The following IMMP2L variants were observed in gnomAD, a reference collection of about 807,000 sequenced individuals.
The protein encoded by IMMP2L is inner mitochondrial membrane peptidase subunit 2.
A neutral mutation model predicts 19.3 loss-of-function variants in IMMP2L; 18 were observed. The ratio of observed to expected loss-of-function variants is 0.93; its 90% CI spans 0.64 to 1.38. The LOEUF (loss-of-function observed/expected upper bound fraction) is 1.38, where lower values mean the gene tolerates loss of function less well. Ranked by LOEUF, IMMP2L falls within the 40% of genes most tolerant of loss-of-function variation. The pLI, the probability that IMMP2L is intolerant of heterozygous loss-of-function variation, is 0.00. For missense variants in IMMP2L, 233 were observed against 218.2 expected (o/e 1.07, Z -0.43); for synonymous variants, 76 against 73.0 (o/e 1.04, Z -0.21).
At chr7:110,681,682 A>T (rs1399643298) in intron 5 of IMMP2L, among the ~76,000 whole-genome samples, 1 of 152,186 alleles carries the variant, frequency 6.6e-6, no homozygotes, top group Non-Finnish European at 1.5e-5. Flanking sequence ...CTATTTCATA[A>T]ATGTACCAAG....
intron 5 of IMMP2L, among the ~76,000 whole-genome samples, chr7:110,836,839 A>C (rs1804532580): frequency 6.6e-6 from 1 of 152,172 alleles, no homozygotes; most frequent in African/African-American, 2.4e-5. Context: ...ATTGGAAAAC[A>C]ATTTTAAAGA....
At chr7:111,108,306 C>G (rs1054083438) in intron 3 of IMMP2L, among the ~76,000 whole-genome samples, 1 of 152,100 alleles carries the variant, frequency 6.6e-6, no homozygotes, top group Non-Finnish European at 1.5e-5. Flanking sequence ...GTTGTTGATA[C>G]AGCTTTTTAC....
At chr7:111,084,980 G>C (rs1796190956) in intron 3 of IMMP2L, among the ~76,000 whole-genome samples, 1 of 152,168 alleles carries the variant, frequency 6.6e-6, no homozygotes, top group East Asian at 1.9e-4. Context: ...GCTAGATATT[G>C]TTTCACATCG....
intron 1 of IMMP2L, among the ~76,000 whole-genome samples, chr7:111,557,379 T>C (rs114521199): frequency 1.7e-3 from 262 of 152,298 alleles, no homozygotes; most frequent in African/African-American, 5.7e-3. Context: ...CTGAACTGGC[T>C]AACCAGTTTC....
chr7:111,279,602 T>A (rs1370679945), intron 3 of IMMP2L, among the ~76,000 whole-genome samples: 1 of 152,148 alleles, frequency 6.6e-6, no homozygotes, highest in Non-Finnish European at 1.5e-5. Flanking sequence ...TTGTCATCTA[T>A]GAAACTAAGG....
At chr7:111,330,000 G>A (rs958118377) in intron 3 of IMMP2L, among the ~76,000 whole-genome samples, 1 of 151,702 alleles carries the variant, frequency 6.6e-6, no homozygotes, top group Non-Finnish European at 1.5e-5. Context: ...TGGCAAAACA[G>A]AAGAAAACCA....
At chr7:110,817,195 T>C (rs537317150) in intron 5 of IMMP2L, among the ~76,000 whole-genome samples, 45 of 152,194 alleles carry the variant, frequency 3.0e-4, no homozygotes, top group African/African-American at 1.1e-3. Flanking sequence ...GATGACATGA[T>C]TGCATATCCA....
intron 4 of IMMP2L, among the ~76,000 whole-genome samples, chr7:110,955,353 T>C (rs983074350): frequency 6.6e-6 from 1 of 151,918 alleles, no homozygotes; most frequent in Non-Finnish European, 1.5e-5. Context: ...AAGGTAAGAA[T>C]ATCCATAATA....
At chr7:111,382,077 A>C (rs1443590547) in intron 3 of IMMP2L, among the ~76,000 whole-genome samples, 1 of 152,010 alleles carries the variant, frequency 6.6e-6, no homozygotes, top group African/African-American at 2.4e-5. Flanking sequence ...TGGAAATAGC[A>C]GCAGACCCAT....
At chr7:111,339,216 T>C (rs1826767032) in intron 3 of IMMP2L, among the ~76,000 whole-genome samples, 1 of 151,966 alleles carries the variant, frequency 6.6e-6, no homozygotes, top group African/African-American at 2.4e-5. Flanking sequence ...AGACTATTCA[T>C]CAGAAATTAT....
chr7:111,404,485 T>C (rs1468312339), intron 3 of IMMP2L, among the ~76,000 whole-genome samples: 2 of 152,086 alleles, frequency 1.3e-5, no homozygotes, highest in African/African-American at 4.8e-5. Context: ...TGAGCACAAC[T>C]CTCAAGACTT....
At chr7:111,170,677 T>A (rs1304399923) in intron 3 of IMMP2L, among the ~76,000 whole-genome samples, 4 of 151,816 alleles carry the variant, frequency 2.6e-5, no homozygotes, top group Non-Finnish European at 2.9e-5. Flanking sequence ...GTTCCTATCA[T>A]CTCCCTAGCT....
intron 4 of IMMP2L, among the ~76,000 whole-genome samples, chr7:110,915,580 C>T (rs981506722): frequency 1.3e-5 from 2 of 152,134 alleles, no homozygotes; most frequent in Admixed American, 6.6e-5. Context: ...GTATTGCTTA[C>T]TTGAAACTTA....
intron 5 of IMMP2L, among the ~76,000 whole-genome samples, chr7:110,682,911 C>T (rs755226543): frequency 8.5e-5 from 13 of 152,060 alleles, no homozygotes; most frequent in Non-Finnish European, 5.9e-5. Context: ...AAGCTACTGA[C>T]TATATGCAAG....
intron 5 of IMMP2L, among the ~76,000 whole-genome samples, chr7:110,673,639 A>C (rs915478612): frequency 6.6e-6 from 1 of 152,164 alleles, no homozygotes; most frequent in Non-Finnish European, 1.5e-5. Context: ...CTCACGTTTA[A>C]AGTTCCACAG....
intron 3 of IMMP2L, among the ~76,000 whole-genome samples, chr7:111,276,211 T>C (rs1380998648): frequency 6.6e-6 from 1 of 152,150 alleles, no homozygotes; most frequent in African/African-American, 2.4e-5. Flanking sequence ...GATCATATGG[T>C]TTTTGTCCTT....
chr7:110,860,706 T>G (rs1807307519), intron 5 of IMMP2L, among the ~76,000 whole-genome samples: 1 of 152,074 alleles, frequency 6.6e-6, no homozygotes. Flanking sequence ...GAGTTTAAAT[T>G]TATAGCTCCC....
At chr7:110,714,390 T>C (rs761234551) in intron 5 of IMMP2L, among the ~76,000 whole-genome samples, 14 of 152,342 alleles carry the variant, frequency 9.2e-5, no homozygotes, top group Middle Eastern at 3.4e-3. Flanking sequence ...TTCTCAGGGA[T>C]AATGGCCTAA....
intron 3 of IMMP2L, chr7:111,122,277 C>T (rs1482976631): frequency 6.6e-6 from 1 of 152,416 alleles, no homozygotes. Context: ...ACCAAACATA[C>T]TGAAGTACTT....
Sources: allele counts gnomAD v4.1 joint callset (sites outside exome capture counted in the v4.1 genomes callset), GRCh38; gene constraint gnomAD v4.1.1; transcripts MANE v1.5; gene names NCBI Gene and HGNC (gene_info 2026-07-23, HGNC 2026-07-21).